Variants in RFX4 observed in about 807,000 individuals in gnomAD.
RFX4 encodes transcription factor RFX4.
RFX4 carries 10 observed loss-of-function variants against 95.0 expected under a neutral mutation model. The observed-to-expected ratio is 0.11, with a 90% CI of 0.06 to 0.18. The LOEUF (loss-of-function observed/expected upper bound fraction) is 0.18, where lower values mean the gene tolerates loss of function less well. RFX4 is among the 10% of genes least tolerant of loss of function. The pLI is 1.00. For synonymous variants in RFX4, 321 were observed against 340.7 expected, an observed-to-expected ratio of 0.94 and a Z score of 0.64; for missense variants, 640 against 922.0, an observed-to-expected ratio of 0.69 and a Z score of 3.96.
intron 15 of RFX4, among the ~76,000 whole-genome samples, chr12:106,740,914 G>T (rs778097818): frequency 6.6e-6 from 1 of 152,134 alleles, no homozygotes; most frequent in Non-Finnish European, 1.5e-5. Flanking sequence ...TCTATGCGAC[G>T]GGGAAAAGCA....
At chr12:106,741,807 G>C (rs114089659) in intron 15 of RFX4, among the ~76,000 whole-genome samples, 27 of 152,100 alleles carry the variant, frequency 1.8e-4, no homozygotes, top group Admixed American at 3.3e-4. Context: ...GGGAAGAGGT[G>C]GGGGGGATGG....
Position 106,583,080 on chromosome 12 carries a change from C to T in RFX4, c.-241C>T. Reference sequence around the variant, plus strand: ...CTTGCTCGCTCGCTTTTTCTCTCTCCCCCTTCTCCGAGCTCGCTCCCTTCT... The same window carrying T: ...CTTGCTCGCTCGCTTTTTCTCTCTCTCCCTTCTCCGAGCTCGCTCCCTTCT... On this transcript the variant is annotated 5_prime_UTR_variant, in exon 1 of 18. Transcript: ENST00000392842. 2.2e-6 allele frequency: 1 copy of T among 445,522 alleles called. No homozygotes were observed. The highest frequency in any genetic ancestry group is 2.0e-5 in the African/African-American group (1 of 48,862). 27.6% of individuals were successfully genotyped at this position (445,522 alleles called of 1,614,324 possible).
At chr12:106,678,651 C>T (rs1410673561) in intron 4 of RFX4, among the ~76,000 whole-genome samples, 7 of 152,300 alleles carry the variant, frequency 4.6e-5, no homozygotes, top group Admixed American at 2.6e-4. Flanking sequence ...GTTCTACCCA[C>T]AATCCCAATG....
At chr12:106,618,336 T>A (rs533782694) in intron 2 of RFX4, among the ~76,000 whole-genome samples, 1 of 152,270 alleles carries the variant, frequency 6.6e-6, no homozygotes, top group East Asian at 1.9e-4. Context: ...TTCTCTCAGT[T>A]ACTATGACAG....
intron 1 of RFX4, 22 bp downstream of exon 1, chr12:106,583,385 G>C (rs1187653076): frequency 1.3e-6 from 2 of 1,551,368 alleles, no homozygotes; most frequent in African/African-American, 2.8e-5. Context: ...TGGCGGGGTT[G>C]GGGGGATACA....
chr12:106,604,544 T>TA (rs34226359), intron 1 of RFX4, among the ~76,000 whole-genome samples: 27,293 of 146,300 alleles, frequency 0.19, 2,757 homozygotes, highest in African/African-American at 0.28. Flanking sequence ...CTTATGTGGT[T>TA]AAAAAAAAAA....
intron 2 of RFX4, among the ~76,000 whole-genome samples, chr12:106,630,807 C>CTCCATGT: frequency 6.6e-6 from 1 of 152,102 alleles, no homozygotes; most frequent in Non-Finnish European, 1.5e-5. Context: ...GAATAGATTC[C>CTCCATGT]CAAATGTGAA....
At position 106,586,433 on chromosome 12, in the gene RFX4, G is replaced by A. The variant is rs921183803; in HGVS notation, c.43+3070G>A. On this transcript the variant is annotated intron_variant, in intron 1 of 17. Transcript: ENST00000392842. The surrounding 1 kb of genome is among the most constrained non-coding windows in gnomAD (Gnocchi z 5.6). ...GTTATCCGGAAATTCGAGAACGATG[G>A]GGGAAAGTGGGTAGAATTTTAGGCC... 6.6e-6 allele frequency among the ~76,000 whole-genome samples: 1 copy of A among 152,106 alleles called. No individual in the cohort carries two copies. Among genetic ancestry groups the A allele is most frequent in the Non-Finnish European group, 1.5e-5 (1 of 68,010 alleles).
intron 15 of RFX4, among the ~76,000 whole-genome samples, chr12:106,740,004 C>T (rs933686855): frequency 2.0e-5 from 3 of 152,192 alleles, no homozygotes; most frequent in Admixed American, 1.3e-4. Flanking sequence ...CATCGGGCCA[C>T]CGAAGGGTTC....
intron 3 of RFX4, among the ~76,000 whole-genome samples, chr12:106,653,088 G>T (rs550510624): frequency 6.6e-6 from 1 of 152,086 alleles, no homozygotes; most frequent in Non-Finnish European, 1.5e-5. Context: ...CCCAGGCTTC[G>T]AAGGCATGAC....
intron 2 of RFX4, among the ~76,000 whole-genome samples, chr12:106,629,203 T>TA (rs1292627684): frequency 6.6e-6 from 1 of 151,710 alleles, no homozygotes. Context: ...TTTTCATCTT[T>TA]AAAAAAAAAT....
In RFX4 at chr12:106,720,166, G is replaced by A. The variant is rs1211634291; in HGVS notation, c.1233+112G>A. The A allele has an allele frequency of 1.1e-6, 1 of 891,800 alleles. No individual in the cohort carries two copies. Among genetic ancestry groups the A allele is most frequent in the Non-Finnish European group, 1.8e-6 (1 of 551,822 alleles). The allele number at this position is 891,800 out of a possible 1,614,324, so 55.2% of individuals were successfully genotyped here. Reference sequence around the variant, plus strand: ...GTAAGCTATCTGAACAGGGTTTTGAGGAGAGGCCCCAGGAGGTGGAGGGGT... The same window carrying A: ...GTAAGCTATCTGAACAGGGTTTTGAAGAGAGGCCCCAGGAGGTGGAGGGGT... On this transcript the variant is annotated intron_variant, in intron 12 of 17. Coordinates refer to ENST00000392842, the MANE Select transcript of RFX4 (RefSeq NM_213594.3). The surrounding 1 kb of genome is among the most constrained non-coding windows in gnomAD (Gnocchi z 4.2).
At chr12:106,712,146 GC>G (rs1193409672) in intron 10 of RFX4, among the ~76,000 whole-genome samples, 1 of 152,238 alleles carries the variant, frequency 6.6e-6, no homozygotes, top group Non-Finnish European at 1.5e-5. Flanking sequence ...AGCAGAGGTG[GC>G]AAACCGGTGG....
intron 11 of RFX4, among the ~76,000 whole-genome samples, chr12:106,716,212 T>TC (rs1276599698): frequency 6.6e-6 from 1 of 151,884 alleles, no homozygotes; most frequent in African/African-American, 2.4e-5. Context: ...GCCCAGGGCA[T>TC]CCCCCCAGCC....
chr12:106,690,780 G>A (rs562712932), intron 7 of RFX4, among the ~76,000 whole-genome samples: 58 of 152,192 alleles, frequency 3.8e-4, no homozygotes, highest in Non-Finnish European at 5.9e-4. Flanking sequence ...TTAATGCAGC[G>A]GGGGCTGGGG....
intron 1 of RFX4, among the ~76,000 whole-genome samples, chr12:106,591,682 A>G (rs1189464686): frequency 6.6e-6 from 1 of 152,200 alleles, no homozygotes; most frequent in Non-Finnish European, 1.5e-5. Flanking sequence ...CTTCTTTGGG[A>G]TTCACTCAAA....
At chr12:106,747,346 A>G in intron 15 of RFX4, 91 bp from the exon 16 acceptor site, 1 of 1,456,682 alleles carries the variant, frequency 6.9e-7, no homozygotes, top group East Asian at 2.3e-5. Context: ...TTTGGCCTTC[A>G]ACTTAAGAAC....
intron 8 of RFX4, among the ~76,000 whole-genome samples, chr12:106,707,285 T>C (rs150587369): frequency 6.6e-6 from 1 of 152,158 alleles, no homozygotes; most frequent in Admixed American, 6.5e-5. Flanking sequence ...AAGTTCAACT[T>C]GGAGACCTCT....
chr12:106,685,013 T>C (rs912967853), intron 5 of RFX4: 3 of 1,556,508 alleles, frequency 1.9e-6, no homozygotes, highest in Non-Finnish European at 2.6e-6. Flanking sequence ...TTCTCATCTG[T>C]ATGATTTTGT....
Sources: gnomAD v4.1 joint callset for allele counts (sites outside exome capture counted in the v4.1 genomes callset) on GRCh38, gnomAD v4.1.1 for gene constraint, Gnocchi (gnomAD v3.1) non-coding constraint, MANE v1.5 for transcripts, NCBI Gene and HGNC (gene_info 2026-07-23, HGNC 2026-07-21) for gene names.